The following XYLT1 variants were observed in gnomAD, a reference collection of about 807,000 sequenced individuals.
The protein encoded by XYLT1 is xylosyltransferase 1.
Under a neutral mutation model 91.3 loss-of-function variants are expected in XYLT1, and 36 were observed. The observed-to-expected ratio is 0.39, with a 90% CI of 0.30 to 0.52. The LOEUF (loss-of-function observed/expected upper bound fraction) is 0.52. XYLT1 is among the 20% of genes least tolerant of loss of function. XYLT1 has a pLI of 0.68. For synonymous variants in XYLT1, 588 were observed against 532.0 expected (o/e 1.11, Z -1.45); for missense variants, 1,242 against 1,284.5 (o/e 0.97, Z 0.51).
chr16:17,102,723 C>T lies in XYLT1; in HGVS notation c.*5972G>A, dbSNP rs937571658. 6.6e-5 allele frequency: 10 copies of T among 151,806 alleles called. No homozygotes were observed. Among genetic ancestry groups the T allele is most frequent in the Non-Finnish European group, 1.0e-4 (7 of 67,990 alleles). 9.4% of individuals were successfully genotyped at this position (151,806 alleles called of 1,614,324 possible). On this transcript the variant is annotated 3_prime_UTR_variant, in exon 12 of 12. Transcript: ENST00000261381. ...ATAGCAAAATATCTACATATTTCAG[C>T]GTGTGCCATTTGAATTCTTTTTTTA... is the stretch of plus-strand genomic sequence containing the variant.
At chr16:17,217,508 G>A (rs1459499279) in intron 3 of XYLT1, among the ~76,000 whole-genome samples, 1 of 152,198 alleles carries the variant, frequency 6.6e-6, no homozygotes, top group Non-Finnish European at 1.5e-5. Flanking sequence ...TCTGTTTTCA[G>A]TAATGTACTC....
rs546160614 is a variant in XYLT1, at chr16:17,191,425, G to C, written c.1289+6787C>G. On this transcript the variant is annotated intron_variant, in intron 5 of 11. Coordinates refer to ENST00000261381, the MANE Select transcript of XYLT1 (RefSeq NM_022166.4). ...AAATCCCAGAGTGACTGGGATCTGT[G>C]CTGAACATTATCAAGGGCTTGACTT... 3.3e-5 allele frequency among the ~76,000 whole-genome samples: 5 copies of C among 152,328 alleles called. No individual in the cohort carries two copies. The South Asian group carries it at 1.0e-3, about 32-fold the overall frequency.
At chr16:17,242,675 T>G (rs956676557) in intron 3 of XYLT1, among the ~76,000 whole-genome samples, 2 of 152,192 alleles carry the variant, frequency 1.3e-5, no homozygotes, top group African/African-American at 4.8e-5. Context: ...TGCACAATAG[T>G]GTTAAGTATA....
intron 2 of XYLT1, among the ~76,000 whole-genome samples, chr16:17,341,776 G>A (rs1251349579): frequency 6.6e-6 from 1 of 152,154 alleles, no homozygotes; most frequent in African/African-American, 2.4e-5. Flanking sequence ...TTAATCCTCT[G>A]TAGGTCCCGT....
At position 17,436,185 on chromosome 16, in the gene XYLT1, T is replaced by C. The variant is rs752467041; in HGVS notation, c.363+34249A>G. Among the ~76,000 whole-genome samples the C allele has an allele frequency of 4.1e-4, 62 of 152,342 alleles. 1 individual carries two copies. Among genetic ancestry groups the C allele is most frequent in the African/African-American group, 1.3e-3 (54 of 41,586 alleles). Reference sequence around the variant, plus strand: ...CATGATTGTGCGGCCTCCCCAGCCATGTTAGAACTTCGAGTCAATTAAATC... The same window carrying C: ...CATGATTGTGCGGCCTCCCCAGCCACGTTAGAACTTCGAGTCAATTAAATC... On this transcript the variant is annotated intron_variant, in intron 1 of 11. Coordinates refer to ENST00000261381, the MANE Select transcript of XYLT1 (RefSeq NM_022166.4).
intron 3 of XYLT1, among the ~76,000 whole-genome samples, chr16:17,221,346 G>A (rs983120831): frequency 2.6e-5 from 4 of 152,140 alleles, no homozygotes; most frequent in Non-Finnish European, 5.9e-5. Context: ...GCCGGGCATG[G>A]TATCAAGAGT....
intron 2 of XYLT1, among the ~76,000 whole-genome samples, chr16:17,352,170 T>C (rs989063917): frequency 2.0e-5 from 3 of 152,186 alleles, no homozygotes; most frequent in African/African-American, 7.2e-5. Context: ...AGATGTCTCC[T>C]TGGCGGTCAA....
chr16:17,391,012 T>C (rs1175405087), intron 1 of XYLT1, among the ~76,000 whole-genome samples: 3 of 152,062 alleles, frequency 2.0e-5, no homozygotes, highest in Non-Finnish European at 4.4e-5. Flanking sequence ...CACTCCAGCA[T>C]GGGCGACAGA....
At chr16:17,248,595 C>T (rs957505575) in intron 3 of XYLT1, among the ~76,000 whole-genome samples, 5 of 152,136 alleles carry the variant, frequency 3.3e-5, no homozygotes, top group Admixed American at 1.3e-4. Flanking sequence ...TCTGCCTACC[C>T]GAGGGCCTTT....
chr16:17,181,211 T>C (rs1283279521), intron 5 of XYLT1, among the ~76,000 whole-genome samples: 1 of 152,036 alleles, frequency 6.6e-6, no homozygotes, highest in African/African-American at 2.4e-5. Flanking sequence ...AGGGAGGGAA[T>C]ATGGGGGCCC....
At chr16:17,210,688 G>A (rs2032740949) in intron 3 of XYLT1, among the ~76,000 whole-genome samples, 1 of 152,240 alleles carries the variant, frequency 6.6e-6, no homozygotes, top group Non-Finnish European at 1.5e-5. Context: ...GGGATTACAG[G>A]TGTGAGCCAC....
intron 7 of XYLT1, among the ~76,000 whole-genome samples, chr16:17,139,220 C>T (rs78480401): frequency 1.2e-3 from 184 of 152,318 alleles, no homozygotes; most frequent in African/African-American, 4.3e-3. Context: ...AATAGACAGT[C>T]CCAGGCAAAT....
intron 1 of XYLT1, among the ~76,000 whole-genome samples, chr16:17,470,055 G>A (rs7189553): frequency 0.2 from 30,118 of 152,056 alleles, 3,743 homozygotes; most frequent in Non-Finnish European, 0.28. Flanking sequence ...CAGCGGCTGA[G>A]GATCCGGGGA....
intron 6 of XYLT1, among the ~76,000 whole-genome samples, chr16:17,147,558 A>G (rs2125193): frequency 0.17 from 26,204 of 152,182 alleles, 3,932 homozygotes; most frequent in African/African-American, 0.4. Flanking sequence ...TGTATTTATC[A>G]CATTCAAAAA....
chr16:17,289,355 T>C (rs776190431), intron 2 of XYLT1, among the ~76,000 whole-genome samples: 18 of 152,256 alleles, frequency 1.2e-4, no homozygotes, highest in Admixed American at 3.3e-4. Context: ...TTTCTCTGTC[T>C]GTCGCCTCCC....
At chr16:17,401,541 C>T (rs1164350846) in intron 1 of XYLT1, among the ~76,000 whole-genome samples, 1 of 152,068 alleles carries the variant, frequency 6.6e-6, no homozygotes, top group Non-Finnish European at 1.5e-5. Flanking sequence ...TTTCTATGTT[C>T]CCGGGCAGGT....
chr16:17,164,560 CA>C (rs1166682675), intron 5 of XYLT1, among the ~76,000 whole-genome samples: 1 of 152,160 alleles, frequency 6.6e-6, no homozygotes, highest in Non-Finnish European at 1.5e-5. Context: ...TGGCAACCCC[CA>C]TTCTACTTCC....
In XYLT1 at chr16:17,140,360, C is replaced by T. The variant is rs146917612; in HGVS notation, c.1587+793G>A. 1.5e-3 allele frequency among the ~76,000 whole-genome samples: 233 copies of T among 152,094 alleles called. 2 individuals are homozygous for T. The highest frequency in any genetic ancestry group is 5.4e-3 in the African/African-American group (226 of 41,494). On this transcript the variant is annotated intron_variant, in intron 7 of 11. Coordinates refer to ENST00000261381, the MANE Select transcript of XYLT1 (RefSeq NM_022166.4). ...ACATGATTGGTCATTGTGAAGGATG[C>T]GTCAAAAGTTGATGTGGCGGCCGGG...
chr16:17,137,741 AAC>A lies in XYLT1; in HGVS notation c.1764+612_1764+613del, dbSNP rs1286057631. 5 of 149,408 alleles carry A rather than the reference AAC, an allele frequency of 3.3e-5. No homozygotes were observed. In the East Asian group the frequency reaches 5.9e-4, roughly 18 times the overall value. The allele number at this position is 149,408 out of a possible 1,614,324, so 9.3% of individuals were successfully genotyped here. Reference sequence around the variant, plus strand: ...TCTTCTTACTCCTTCAAGTACACAGAACACAGTGTTTTCCCACAGAACACAGT... The same window carrying A: ...TCTTCTTACTCCTTCAAGTACACAGAACAGTGTTTTCCCACAGAACACAGT... On this transcript the variant is annotated intron_variant, in intron 8 of 11. Coordinates refer to ENST00000261381, the MANE Select transcript of XYLT1 (RefSeq NM_022166.4).
Sources: allele counts gnomAD v4.1 joint callset (sites outside exome capture counted in the v4.1 genomes callset), GRCh38; gene constraint gnomAD v4.1.1; transcripts MANE v1.5; gene names NCBI Gene and HGNC (gene_info 2026-07-23, HGNC 2026-07-21).